Variants in SLC44A5 observed in about 807,000 individuals in gnomAD.
The protein encoded by SLC44A5 is solute carrier family 44 member 5, also known as choline transporter-like protein 5.
A neutral mutation model predicts 101.8 loss-of-function variants in SLC44A5; 57 were observed. The observed-to-expected ratio is 0.56, with a 90% CI of 0.45 to 0.70. The LOEUF (loss-of-function observed/expected upper bound fraction) is 0.70. Ranked by LOEUF, SLC44A5 falls within the 30% of genes least tolerant of loss-of-function variation. SLC44A5 has a pLI of 0.00. For missense variants in SLC44A5, 737 were observed against 853.1 expected, an observed-to-expected ratio of 0.86 and a Z score of 1.70; for synonymous variants, 281 against 290.9, an observed-to-expected ratio of 0.97 and a Z score of 0.35.
intron 5 of SLC44A5, among the ~76,000 whole-genome samples, chr1:75,297,615 T>G (rs1654066121): frequency 1.3e-5 from 2 of 152,228 alleles, no homozygotes; most frequent in South Asian, 4.1e-4. Context: ...AATGTTAAAA[T>G]TGTGCTATTA....
the SLC44A5 span, among the ~76,000 whole-genome samples, chr1:75,634,205 G>A: frequency 0.018 from 2,761 of 152,150 alleles, 37 homozygotes; most frequent in Admixed American, 0.031. Context: ...GTCTCTGCCC[G>A]GCTTTGGTAT....
the SLC44A5 span, among the ~76,000 whole-genome samples, chr1:75,716,404 G>A: frequency 2.9e-3 from 440 of 152,102 alleles, 5 homozygotes; most frequent in African/African-American, 0.01. Flanking sequence ...TGGGGAGGTC[G>A]AGGCTGAAGT....
chr1:75,544,301 G>A (rs879545272), intron 1 of SLC44A5, among the ~76,000 whole-genome samples: 5 of 152,224 alleles, frequency 3.3e-5, no homozygotes, highest in East Asian at 3.9e-4. Context: ...GCAGCCTCTC[G>A]ATCTTAGACT....
At chr1:75,677,910 G>A in the SLC44A5 span, 102 of 257,356 alleles carry the variant, frequency 4.0e-4, no homozygotes, top group Non-Finnish European at 1.9e-4. Context: ...TGCACGCACC[G>A]TGCACGAGCC....
intron 18 of SLC44A5, among the ~76,000 whole-genome samples, 193 bp downstream of exon 18, chr1:75,217,673 T>C (rs1646989909): frequency 6.6e-6 from 1 of 152,034 alleles, no homozygotes; most frequent in Non-Finnish European, 1.5e-5. Flanking sequence ...TCTCTTTTAT[T>C]CACCACTGTC....
chr1:75,437,185 C>T (rs144823577), intron 2 of SLC44A5, among the ~76,000 whole-genome samples: 4 of 152,212 alleles, frequency 2.6e-5, no homozygotes, highest in African/African-American at 9.6e-5. Context: ...GTTACACAGT[C>T]ATTTATTACC....
chr1:75,654,286 T>C, the SLC44A5 span, among the ~76,000 whole-genome samples: 2 of 152,200 alleles, frequency 1.3e-5, no homozygotes, highest in Non-Finnish European at 2.9e-5. Context: ...GTCTATATAG[T>C]CCTTAAAGTT....
At chr1:75,503,100 AG>A in intron 2 of SLC44A5, among the ~76,000 whole-genome samples, 1 of 152,334 alleles carries the variant, frequency 6.6e-6, no homozygotes, top group African/African-American at 2.4e-5. Context: ...ATACAGCCAC[AG>A]GAATCTTTAC....
intron 3 of SLC44A5, among the ~76,000 whole-genome samples, chr1:75,366,717 A>G (rs527819829): frequency 2.0e-5 from 3 of 151,512 alleles, no homozygotes; most frequent in East Asian, 2.0e-4. Flanking sequence ...ACTCTTTTTC[A>G]TTCTTTTTTC....
the SLC44A5 span, among the ~76,000 whole-genome samples, chr1:75,676,413 G>A: frequency 6.6e-6 from 1 of 152,200 alleles, no homozygotes; most frequent in Admixed American, 6.5e-5. Flanking sequence ...TGACATGGAT[G>A]GAGCTGGAAG....
At chr1:75,303,510 G>A (rs779701465) in intron 4 of SLC44A5, among the ~76,000 whole-genome samples, 3 of 152,128 alleles carry the variant, frequency 2.0e-5, no homozygotes, top group East Asian at 1.9e-4. Flanking sequence ...CTGGGATTAC[G>A]GGCGTGAGCC....
At chr1:75,475,066 C>A (rs957806053) in intron 2 of SLC44A5, among the ~76,000 whole-genome samples, 1 of 152,196 alleles carries the variant, frequency 6.6e-6, no homozygotes, top group Non-Finnish European at 1.5e-5. Flanking sequence ...AAATGAGGAG[C>A]CTGAATTCCA....
At chr1:75,374,616 T>C (rs1250052701) in intron 3 of SLC44A5, among the ~76,000 whole-genome samples, 1 of 152,180 alleles carries the variant, frequency 6.6e-6, no homozygotes, top group Non-Finnish European at 1.5e-5. Context: ...AAGAGGCATG[T>C]GGCTAAGAGC....
Position 75,211,521 on chromosome 1 carries a change from T to C in SLC44A5, c.1994A>G (p.His665Arg). 1.9e-6 allele frequency: 3 copies of C among 1,612,750 alleles called. No individual in the cohort carries two copies. The highest frequency in any genetic ancestry group is 2.5e-6 in the Non-Finnish European group (3 of 1,179,148). Residue 665 changes from histidine (H) to arginine (R), a missense_variant, in exon 23 of 24, where the codon CAT becomes CGT. His to Arg is a conservative substitution (Grantham distance 29). Transcript: ENST00000370859. ...CATTGCATAGACGCTGAAGAACCCA[T>C]GTGCAATCAGGTAAGACCCAAAAAT... Reference protein sequence around the residue: ...TVIFGSYLIAHGFFSVYAMCV... With the variant: ...TVIFGSYLIARGFFSVYAMCV...
intron 2 of SLC44A5, among the ~76,000 whole-genome samples, chr1:75,449,834 C>T (rs530324133): frequency 5.3e-5 from 8 of 152,034 alleles, no homozygotes; most frequent in Non-Finnish European, 1.2e-4. Context: ...AACTTCGTCT[C>T]TACTAAAAAT....
rs551516083 is a variant in SLC44A5 at position 75,411,749 on chromosome 1, T to G, written c.14-15128A>C. 6.4e-4 allele frequency among the ~76,000 whole-genome samples: 97 copies of G among 152,252 alleles called. 1 individual carries two copies. The South Asian group carries it at 7.0e-3, about 11-fold the overall frequency. ...GGAAAATATATATAGGGACAGATTG[T>G]TCTATATGCACAGATACACTTTTAA... On this transcript the variant is annotated intron_variant, in intron 2 of 23. Transcript: ENST00000370859.
intron 4 of SLC44A5, among the ~76,000 whole-genome samples, chr1:75,331,217 C>T (rs560606086): frequency 6.6e-6 from 1 of 152,242 alleles, no homozygotes; most frequent in Non-Finnish European, 1.5e-5. Flanking sequence ...TTTTATTCTT[C>T]ACTGAGCTCC....
chr1:75,646,909 T>C, the SLC44A5 span, among the ~76,000 whole-genome samples: 1 of 152,174 alleles, frequency 6.6e-6, no homozygotes, highest in Non-Finnish European at 1.5e-5. Flanking sequence ...TCGGAAAATT[T>C]GCAGGCTGAC....
chr1:75,348,666 A>G (rs1658425615), intron 3 of SLC44A5, among the ~76,000 whole-genome samples: 1 of 152,230 alleles, frequency 6.6e-6, no homozygotes, highest in African/African-American at 2.4e-5. Flanking sequence ...TTTTCCAAAG[A>G]AAATAGGCAG....
Sources: gnomAD v4.1 joint callset for allele counts (sites outside exome capture counted in the v4.1 genomes callset) on GRCh38, gnomAD v4.1.1 for gene constraint, MANE v1.5 for transcripts, NCBI Gene and HGNC (gene_info 2026-07-23, HGNC 2026-07-21) for gene names.